The following ANKRD45 variants were observed in gnomAD, a reference collection of about 807,000 sequenced individuals.
ANKRD45 encodes the protein ankyrin repeat domain-containing protein 45.
In ANKRD45, 21 loss-of-function variants were observed where a neutral mutation model predicts 28.1. That is an observed-to-expected ratio of 0.75 (90% CI 0.53 to 1.08). ANKRD45 has a LOEUF of 1.08. Ranked by LOEUF, ANKRD45 falls within the 50% of genes least tolerant of loss-of-function variation. The pLI is 0.00. For missense variants in ANKRD45, 261 were observed against 308.7 expected, an observed-to-expected ratio of 0.85 and a Z score of 1.16; for synonymous variants, 86 against 103.9, an observed-to-expected ratio of 0.83 and a Z score of 1.05.
intron 2 of ANKRD45, chr1:173,658,089 A>G: frequency 6.5e-6 from 1 of 152,774 alleles, no homozygotes; most frequent in Non-Finnish European, 1.5e-5. Flanking sequence ...TTGGGAGGCC[A>G]AGACAGGTGG....
In ANKRD45 at chr1:173,657,342, C is replaced by T. The variant is rs551301941; in HGVS notation, c.328+1749G>A. The stretch of plus-strand genomic sequence containing the variant: ...AATTAGCCAGGCATGTTGGTGCATG[C>T]CTGTAATCCCAGCTACTCGGGAGGC... On this transcript the variant is annotated intron_variant, in intron 2 of 5. Coordinates refer to ENST00000333279, the MANE Select transcript of ANKRD45 (RefSeq NM_198493.3). The T allele has an allele frequency of 2.2e-5, 7 of 314,688 alleles. 1 individual carries two copies. The highest frequency in any genetic ancestry group is 1.7e-4 in the South Asian group (7 of 41,698). 19.5% of individuals were successfully genotyped at this position (314,688 alleles called of 1,614,324 possible). A position where few individuals can be genotyped will look rare whatever the true frequency, so the allele number is the denominator to read the frequency against.
At chr1:173,633,652 C>T (rs1440440847) in intron 3 of ANKRD45, among the ~76,000 whole-genome samples, 2 of 151,916 alleles carry the variant, frequency 1.3e-5, no homozygotes, top group African/African-American at 2.4e-5. Context: ...AAAATAGACA[C>T]ATAGACCAAT....
At chr1:173,614,012 G>A (rs1041349739) in intron 5 of ANKRD45, among the ~76,000 whole-genome samples, 1 of 152,088 alleles carries the variant, frequency 6.6e-6, no homozygotes, top group African/African-American at 2.4e-5. Flanking sequence ...GTCCACTCAG[G>A]GTTATATGGA....
chr1:173,613,259 G>A (rs1371881772), intron 5 of ANKRD45, among the ~76,000 whole-genome samples: 1 of 151,754 alleles, frequency 6.6e-6, no homozygotes, highest in Non-Finnish European at 1.5e-5. Context: ...TCTGGGAGGT[G>A]AGGAGCGTCT....
chr1:173,635,403 C>T, intron 3 of ANKRD45: 2 of 784,758 alleles, frequency 2.5e-6, no homozygotes, highest in Non-Finnish European at 3.9e-6. Flanking sequence ...ACTAATAGCT[C>T]CTGGTATTTT....
In ANKRD45 at chr1:173,646,987, C is replaced by T. The variant is rs199897076; in HGVS notation, c.355G>A (p.Ala119Thr). 56 of 1,614,088 alleles carry T rather than the reference C, an allele frequency of 3.5e-5. No homozygotes were observed. Among genetic ancestry groups the T allele is most frequent in the Non-Finnish European group, 4.7e-5 (56 of 1,179,980 alleles). The change falls in exon 3 of 6, where the codon GCC (alanine) becomes ACC (threonine). Residue 119 changes from alanine to threonine, a missense_variant. By Grantham distance (58) the Ala-to-Thr change is moderately conservative. Coordinates refer to ENST00000333279, the MANE Select transcript of ANKRD45 (RefSeq NM_198493.3). The part of the protein sequence containing the change: ...RGYTLLHCAA[A>T]WGRLETLKAL... Reference sequence around the variant, plus strand: ...TTCAAAGTTTCCAAACGACCCCAGGCTGCAGCACAATGTAAGAGTGTGTAC... The same window carrying T: ...TTCAAAGTTTCCAAACGACCCCAGGTTGCAGCACAATGTAAGAGTGTGTAC...
chr1:173,714,095 A>C, the ANKRD45 span, among the ~76,000 whole-genome samples: 1 of 151,302 alleles, frequency 6.6e-6, no homozygotes, highest in African/African-American at 2.4e-5. Flanking sequence ...GATTCTACAT[A>C]AAGAACAGCT....
At position 173,659,090 on chromosome 1, in the gene ANKRD45, C is replaced by G; in HGVS notation, c.328+1G>C. 3 of 1,612,392 alleles carry G rather than the reference C, an allele frequency of 1.9e-6. No individual in the cohort carries two copies. Among genetic ancestry groups the G allele is most frequent in the Non-Finnish European group, 2.5e-6 (3 of 1,179,092 alleles). On this transcript the variant is annotated splice_donor_variant, in intron 2 of 5. Coordinates refer to ENST00000333279, the MANE Select transcript of ANKRD45 (RefSeq NM_198493.3). LOFTEE classifies it high-confidence loss of function. ...CTGATGAGAGAAAAAAGACAAAATACCTCTGGTGGTTTTTTCATTCAGATT... is the reference window on the plus strand; with the variant it reads ...CTGATGAGAGAAAAAAGACAAAATAGCTCTGGTGGTTTTTTCATTCAGATT...
intron 3 of ANKRD45, among the ~76,000 whole-genome samples, chr1:173,636,651 A>G (rs1246567987): frequency 6.6e-6 from 1 of 152,166 alleles, no homozygotes; most frequent in East Asian, 1.9e-4. Context: ...CTGCACTTAT[A>G]CCTTACTTCT....
chr1:173,702,621 G>A, the ANKRD45 span, among the ~76,000 whole-genome samples: 4 of 151,962 alleles, frequency 2.6e-5, no homozygotes, highest in African/African-American at 7.3e-5. Context: ...AGGAAGGTAG[G>A]GGGTAAGTGC....
In ANKRD45 at chr1:173,627,055, A is replaced by G; in HGVS notation, c.591+10T>C. On this transcript the variant is annotated intron_variant, in intron 4 of 5. Transcript: ENST00000333279. Reference sequence around the variant, plus strand: ...ACACTACAGAACAAGCAATAATCACAATACAGTACCTTGTCTTCCTTAAGG... The same window carrying G: ...ACACTACAGAACAAGCAATAATCACGATACAGTACCTTGTCTTCCTTAAGG... 15 of 1,576,482 alleles carry G rather than the reference A, an allele frequency of 9.5e-6. No individual in the cohort carries two copies. Among genetic ancestry groups the G allele is most frequent in the Non-Finnish European group, 1.1e-5 (13 of 1,150,616 alleles).
At chr1:173,651,033 C>A (rs1669188942) in intron 2 of ANKRD45, among the ~76,000 whole-genome samples, 1 of 151,950 alleles carries the variant, frequency 6.6e-6, no homozygotes, top group East Asian at 1.9e-4. Flanking sequence ...TTTCTCCCAT[C>A]CTGTAGGTTG....
intron 1 of ANKRD45, among the ~76,000 whole-genome samples, chr1:173,661,484 G>T (rs376268264): frequency 1.0e-3 from 156 of 152,296 alleles, no homozygotes; most frequent in African/African-American, 3.6e-3. Flanking sequence ...CAGCAAGTCT[G>T]AACTTGATTC....
intron 1 of ANKRD45, among the ~76,000 whole-genome samples, chr1:173,662,706 C>T (rs1182837951): frequency 2.6e-5 from 4 of 152,084 alleles, no homozygotes; most frequent in Non-Finnish European, 5.9e-5. Context: ...CCTTCCAATC[C>T]CTCTTAAGGG....
intron 3 of ANKRD45, among the ~76,000 whole-genome samples, chr1:173,639,404 T>TTCCTTCCCC (rs1668605910): frequency 6.6e-6 from 1 of 152,126 alleles, no homozygotes; most frequent in African/African-American, 2.4e-5. Flanking sequence ...ACTCCTTGCC[T>TTCCTTCCCC]TCCTTCCCCT....
At chr1:173,619,232 G>A (rs546056414) in intron 5 of ANKRD45, among the ~76,000 whole-genome samples, 3 of 152,194 alleles carry the variant, frequency 2.0e-5, no homozygotes, top group Non-Finnish European at 4.4e-5. Context: ...ACATAAACAA[G>A]TCTGCAAAAA....
upstream of ANKRD45, among the ~76,000 whole-genome samples, chr1:173,670,086 T>C (rs140087179): frequency 8.5e-3 from 1,290 of 152,338 alleles, 20 homozygotes; most frequent in African/African-American, 0.03. Context: ...TTGGCCTGTC[T>C]TTGGCTTTTA....
At chr1:173,654,916 A>G (rs1289711036) in intron 2 of ANKRD45, among the ~76,000 whole-genome samples, 1 of 152,172 alleles carries the variant, frequency 6.6e-6, no homozygotes, top group African/African-American at 2.4e-5. Context: ...CATGCATCAC[A>G]TAGTTCTCCT....
chr1:173,618,648 A>T (rs1314514136), intron 5 of ANKRD45, among the ~76,000 whole-genome samples: 1 of 152,242 alleles, frequency 6.6e-6, no homozygotes, highest in Non-Finnish European at 1.5e-5. Flanking sequence ...TAAAAAGACC[A>T]AACCTATGAC....
Sources: gnomAD v4.1 joint callset for allele counts (sites outside exome capture counted in the v4.1 genomes callset) on GRCh38, gnomAD v4.1.1 for gene constraint, MANE v1.5 for transcripts, NCBI Gene and HGNC (gene_info 2026-07-23, HGNC 2026-07-21) for gene names.